Variants in TSBP1 observed in about 807,000 individuals in gnomAD.
The protein encoded by TSBP1 is testis expressed basic protein 1.
A neutral mutation model predicts 68.8 loss-of-function variants in TSBP1; 56 were observed. That is an observed-to-expected ratio of 0.81 (90% CI 0.66 to 1.02). The LOEUF is 1.02. Among genes scored for constraint, TSBP1 ranks in the 50% least tolerant of loss-of-function variants. The pLI, the probability that TSBP1 is intolerant of heterozygous loss-of-function variation, is 0.00. For missense variants in TSBP1, 502 were observed against 641.2 expected, an observed-to-expected ratio of 0.78 and a Z score of 2.34; for synonymous variants, 171 against 208.7, an observed-to-expected ratio of 0.82 and a Z score of 1.56.
chr6:32,300,636 C>A (rs1347513761), intron 21 of TSBP1, 44 bp downstream of exon 24: 2 of 1,595,266 alleles, frequency 1.3e-6, no homozygotes, highest in South Asian at 1.1e-5. Context: ...CTTAAAGGTC[C>A]TAGGCACAGA....
intron 9 of TSBP1, among the ~76,000 whole-genome samples, chr6:32,348,400 A>G (rs894187056): frequency 7.2e-6 from 1 of 138,316 alleles, no homozygotes; most frequent in Non-Finnish European, 1.6e-5. Flanking sequence ...ACAGTTGTAT[A>G]TACAACAAAA....
At chr6:32,364,772 A>G (rs2127657585) in intron 6 of TSBP1, among the ~76,000 whole-genome samples, 1 of 152,130 alleles carries the variant, frequency 6.6e-6, no homozygotes, top group Non-Finnish European at 1.5e-5. Flanking sequence ...CTGAAATATT[A>G]TTGTGTTCTT....
At chr6:32,371,886 C>T (rs1244319260) in exon 1 of TSBP1, 2 of 652,558 alleles carry the variant, frequency 3.1e-6, no homozygotes, top group African/African-American at 1.8e-5. Context: ...GCAGATTGAT[C>T]AGACCTAAGC....
chr6:32,293,881 T>G, exon 23 of TSBP1: 1 of 1,613,004 alleles, frequency 6.2e-7, no homozygotes, highest in Non-Finnish European at 8.5e-7. Flanking sequence ...ATTTCAAGGA[T>G]TCTACAGAAT....
Position 32,332,759 on chromosome 6 carries a change from G to A in TSBP1, c.473-705C>T, listed in dbSNP as rs117012098. ...TGAGTAGCTAGGACTACAGCTGCAT[G>A]CCACTATTCCTGGCTAATTAAAAAA... On this transcript the variant is annotated intron_variant, in intron 14 of 22. Coordinates refer to ENST00000612031, the Ensembl canonical transcript of TSBP1. 6.7e-3 allele frequency among the ~76,000 whole-genome samples: 1,016 copies of A among 152,134 alleles called. 18 individuals carry two copies. Among genetic ancestry groups the A allele is most frequent in the East Asian group, 0.02 (102 of 5,178 alleles).
At chr6:32,371,786 C>G (rs527849747) in exon 1 of TSBP1, 44 of 1,558,718 alleles carry the variant, frequency 2.8e-5, no homozygotes, top group Non-Finnish European at 3.7e-5. Flanking sequence ...ACGAAAAACT[C>G]AAGTTCACTG....
rs1393486842 is a variant in TSBP1 at position 32,294,003 on chromosome 6, C to T, written c.670G>A (p.Ala224Thr). The change falls in exon 23 of 23, where the codon GCA becomes ACA. Residue 224 changes from alanine (A) to threonine (T), a missense_variant. Physicochemically the swap from Ala to Thr is moderately conservative, Grantham distance 58 (BLOSUM62 0). Transcript: ENST00000612031. Reference sequence around the variant, plus strand: ...TGGATTTTGGAACAAGATTTTTTTGCAAGTTCTTCATCCATGTAACCTGTT... The same window carrying T: ...TGGATTTTGGAACAAGATTTTTTTGTAAGTTCTTCATCCATGTAACCTGTT... The T allele has an allele frequency of 7.4e-6, 12 of 1,611,108 alleles. No individual in the cohort carries two copies. In the African/African-American group the frequency reaches 9.3e-5, roughly 13 times the overall value.
chr6:32,334,706 A>C (rs1284409406), intron 14 of TSBP1, among the ~76,000 whole-genome samples: 1 of 152,194 alleles, frequency 6.6e-6, no homozygotes, highest in African/African-American at 2.4e-5. Flanking sequence ...AATAGAGCCT[A>C]ACTCTTCTGG....
At position 32,325,323 on chromosome 6, in the gene TSBP1, G is replaced by C. The variant is rs1019034442; in HGVS notation, c.515-1709C>G. On this transcript the variant is annotated intron_variant, in intron 16 of 22. Transcript: ENST00000612031. The surrounding 1 kb of genome is among the most constrained non-coding windows in gnomAD (Gnocchi z 4.4). ...ATGAGAGCCTGAGGAGCCATTTTGAGCAGTGAGGGACACTCCCGGACAGTG... is the reference window on the plus strand; with the variant it reads ...ATGAGAGCCTGAGGAGCCATTTTGACCAGTGAGGGACACTCCCGGACAGTG... 18 of 1,232,330 alleles carry C rather than the reference G, an allele frequency of 1.5e-5. No individual in the cohort carries two copies. Among genetic ancestry groups the C allele is most frequent in the Admixed American group, 1.8e-5 (1 of 57,142 alleles). 76.3% of individuals were successfully genotyped at this position (1,232,330 alleles called of 1,614,324 possible). A position where few individuals can be genotyped will look rare whatever the true frequency, so the allele number is the denominator to read the frequency against.
At chr6:32,355,934 G>T (rs1439314515) in intron 6 of TSBP1, among the ~76,000 whole-genome samples, 1 of 152,124 alleles carries the variant, frequency 6.6e-6, no homozygotes, top group African/African-American at 2.4e-5. Flanking sequence ...TAGTTATAAG[G>T]TAAGTTGAGG....
At chr6:32,319,646 T>C (rs1767383712) in intron 18 of TSBP1, among the ~76,000 whole-genome samples, 1 of 152,082 alleles carries the variant, frequency 6.6e-6, no homozygotes, top group African/African-American at 2.4e-5. Context: ...ATGTTGTACT[T>C]GTTCCTTTTG....
chr6:32,350,127 C>T lies in TSBP1; in HGVS notation c.260-298G>A, dbSNP rs973089646. ...TTCCTTCTCTACCTTTCCTCCACCT[C>T]TTCCTCTCTCTCCTTAATTTTCTTT... On this transcript the variant is annotated intron_variant, in intron 8 of 22. Coordinates refer to ENST00000612031, the Ensembl canonical transcript of TSBP1. The T allele has an allele frequency of 5.5e-6, 3 of 545,584 alleles. No homozygotes were observed. The African/African-American group carries it at 5.7e-5, about 10-fold the overall frequency. 33.8% of individuals were successfully genotyped at this position (545,584 alleles called of 1,614,324 possible).
chr6:32,303,483 C>T (rs1765503660), intron 19 of TSBP1, among the ~76,000 whole-genome samples: 1 of 146,962 alleles, frequency 6.8e-6, no homozygotes, highest in Admixed American at 6.7e-5. Context: ...TTAATGTAGC[C>T]ACATCTGCCT....
At chr6:32,368,586 A>G (rs1004980955) in intron 3 of TSBP1, among the ~76,000 whole-genome samples, 196 bp downstream of exon 3, 5 of 151,868 alleles carry the variant, frequency 3.3e-5, no homozygotes, top group African/African-American at 1.2e-4. Flanking sequence ...ATTCTCCCCA[A>G]CTCCAGTTTG....
At chr6:32,296,952 T>C (rs1282513090) in intron 22 of TSBP1, among the ~76,000 whole-genome samples, 1 of 152,226 alleles carries the variant, frequency 6.6e-6, no homozygotes, top group Non-Finnish European at 1.5e-5. Context: ...TTACTTCTAA[T>C]AGAATCTTCA....
At chr6:32,369,598 T>A (rs182162087) in intron 2 of TSBP1, among the ~76,000 whole-genome samples, 33 of 152,302 alleles carry the variant, frequency 2.2e-4, no homozygotes, top group African/African-American at 7.0e-4. Flanking sequence ...CTTGAACTCC[T>A]GACCTTGTGA....
At chr6:32,341,635 T>C (rs1770365754) in intron 9 of TSBP1, among the ~76,000 whole-genome samples, 1 of 152,184 alleles carries the variant, frequency 6.6e-6, no homozygotes, top group Non-Finnish European at 1.5e-5. Context: ...CAGTGCACTT[T>C]GAAATCAGTA....
chr6:32,362,997 A>C (rs542202824), intron 6 of TSBP1, among the ~76,000 whole-genome samples: 8 of 152,254 alleles, frequency 5.3e-5, no homozygotes, highest in Non-Finnish European at 8.8e-5. Flanking sequence ...TACGGTTATT[A>C]TATTGCTGTT....
rs1315324440 is a variant in TSBP1, at chr6:32,314,819, A to G, written c.580+953T>C. ...TCATGTTTAAAAATTGGAAAATTTT[A>G]CCTACTATCTGGATTAAGTGAGATG... On this transcript the variant is annotated intron_variant, in intron 19 of 22. Coordinates refer to ENST00000612031, the Ensembl canonical transcript of TSBP1. The surrounding 1 kb of genome is among the most constrained non-coding windows in gnomAD (Gnocchi z 4.2). Among the ~76,000 whole-genome samples the G allele has an allele frequency of 6.6e-6, 1 of 152,236 alleles. No individual in the cohort carries two copies. Among genetic ancestry groups the G allele is most frequent in the Admixed American group, 6.5e-5 (1 of 15,278 alleles).
Sources: gnomAD v4.1 joint callset for allele counts (sites outside exome capture counted in the v4.1 genomes callset) on GRCh38, gnomAD v4.1.1 for gene constraint, Gnocchi (gnomAD v3.1) non-coding constraint, MANE v1.5 for transcripts, NCBI Gene and HGNC (gene_info 2026-07-23, HGNC 2026-07-21) for gene names.